UGT1A6: variants seen among roughly 807,000 people sequenced by gnomAD.
The protein encoded by UGT1A6 is UDP glucuronosyltransferase family 1 member A6.
Under a neutral mutation model 44.4 loss-of-function variants are expected in UGT1A6, and 32 were observed. The ratio of observed to expected loss-of-function variants is 0.72; its 90% CI spans 0.54 to 0.97. The LOEUF (loss-of-function observed/expected upper bound fraction) is 0.97, where lower values mean the gene tolerates loss of function less well. Among genes scored for constraint, UGT1A6 ranks in the 50% least tolerant of loss-of-function variants. The pLI, the probability that UGT1A6 is intolerant of heterozygous loss-of-function variation, is 0.00. For missense variants in UGT1A6, 685 were observed against 661.9 expected (o/e 1.03, Z -0.38); for synonymous variants, 238 against 248.5 (o/e 0.96, Z 0.40).
At chr2:233,736,129 C>T (rs1342525858) in intron 1 of UGT1A6, among the ~76,000 whole-genome samples, 3 of 152,224 alleles carry the variant, frequency 2.0e-5, no homozygotes, top group South Asian at 2.1e-4. Flanking sequence ...CCATTCTCCG[C>T]ATCACTTTCA....
chr2:233,748,074 T>C lies in UGT1A6; in HGVS notation c.862-18960T>C, dbSNP rs1392402990. 2.5e-6 allele frequency: 4 copies of C among 1,613,184 alleles called. No individual in the cohort carries two copies. The East Asian group carries it at 8.9e-5, about 36-fold the overall frequency. On this transcript the variant is annotated intron_variant, in intron 1 of 4. Transcript: ENST00000305139. ...CAACTGTGCCAACAGGAAGCCACTA[T>C]CTCAGGTCGGTGTTCGTGCCTTCAT...
At chr2:233,715,989 A>G (rs1242596937) in intron 1 of UGT1A6, among the ~76,000 whole-genome samples, 1 of 152,116 alleles carries the variant, frequency 6.6e-6, no homozygotes, top group East Asian at 1.9e-4. Flanking sequence ...TTAAAACACA[A>G]CAAAACCCAA....
intron 1 of UGT1A6, among the ~76,000 whole-genome samples, chr2:233,724,154 G>A (rs1327662182): frequency 4.4e-3 from 337 of 76,566 alleles, no homozygotes; most frequent in Admixed American, 6.4e-3. Context: ...CTGGCCGGGT[G>A]GGGGGGCTGA....
intron 1 of UGT1A6, among the ~76,000 whole-genome samples, chr2:233,756,714 T>C (rs1696309930): frequency 6.6e-6 from 1 of 152,188 alleles, no homozygotes. Flanking sequence ...GGGACTTTTT[T>C]TGAGATCTGA....
chr2:233,722,992 G>T (rs183532563), intron 1 of UGT1A6, among the ~76,000 whole-genome samples: 4,843 of 146,624 alleles, frequency 0.033, 98 homozygotes, highest in African/African-American at 0.049. Flanking sequence ...GTCTCAGCGT[G>T]GCAGAGGCAG....
In UGT1A6 at chr2:233,749,353, T is replaced by G. The variant is rs1479557854; in HGVS notation, c.862-17681T>G. On this transcript the variant is annotated intron_variant, in intron 1 of 4. Transcript: ENST00000305139. The stretch of plus-strand genomic sequence containing the variant: ...GTTGAAAAGTGGGATGGAATTTAAA[T>G]AGTGACTCTTGCCCTTTTCTTCCAG... 5.9e-5 allele frequency among the ~76,000 whole-genome samples: 9 copies of G among 151,918 alleles called. 1 individual carries two copies. The East Asian group carries it at 1.7e-3, about 29-fold the overall frequency.
chr2:233,694,156 TCAAA>T (rs2075202894), intron 1 of UGT1A6, among the ~76,000 whole-genome samples: 1 of 152,126 alleles, frequency 6.6e-6, no homozygotes, highest in Non-Finnish European at 1.5e-5. Context: ...ATGTCCCAGT[TCAAA>T]CAGAGGTGAA....
Position 233,719,305 on chromosome 2 carries a change from C to T in UGT1A6, c.861+25440C>T, listed in dbSNP as rs149960993. 1.9e-6 allele frequency: 3 copies of T among 1,613,868 alleles called. No individual in the cohort carries two copies. The African/African-American group carries it at 4.0e-5, about 22-fold the overall frequency. ...GTTAACCTCTGTGGGGCGGTGCTGG[C>T]TAAGTACCTGTCGATTCCTGCTGTG... On this transcript the variant is annotated intron_variant, in intron 1 of 4. Coordinates refer to ENST00000305139, the MANE Select transcript of UGT1A6 (RefSeq NM_001072.4).
At chr2:233,764,054 A>G (rs995386532) in intron 1 of UGT1A6, among the ~76,000 whole-genome samples, 2 of 152,188 alleles carry the variant, frequency 1.3e-5, no homozygotes, top group African/African-American at 2.4e-5. Flanking sequence ...GGAAAATGAA[A>G]TGCATTTGGG....
At position 233,693,834 on chromosome 2, in the gene UGT1A6, T is replaced by C. The variant is rs758818897; in HGVS notation, c.830T>C (p.Ile277Thr). 6 of 1,614,210 alleles carry C rather than the reference T, an allele frequency of 3.7e-6. No homozygotes were observed. The South Asian group carries it at 5.5e-5, about 15-fold the overall frequency. ...VMPNMVFIGG[I>T]NCKKRKDLSQ... Reference sequence around the variant, plus strand: ...CCCAACATGGTCTTCATTGGAGGTATCAACTGTAAGAAGAGGAAAGACTTG... The same window carrying C: ...CCCAACATGGTCTTCATTGGAGGTACCAACTGTAAGAAGAGGAAAGACTTG... Residue 277 changes from isoleucine (I) to threonine (T), a missense_variant, in exon 1 of 5, where the codon ATC (isoleucine) becomes ACC (threonine). By Grantham distance (89) the Ile-to-Thr change is moderately conservative. Coordinates refer to ENST00000305139, the MANE Select transcript of UGT1A6 (RefSeq NM_001072.4).
chr2:233,748,518 A>T lies in UGT1A6; in HGVS notation c.862-18516A>T, dbSNP rs151219324. Among the ~76,000 whole-genome samples the T allele has an allele frequency of 4.6e-3, 699 of 151,972 alleles. 22 individuals carry two copies. The highest frequency in any genetic ancestry group is 0.016 in the African/African-American group (660 of 41,240). Reference sequence around the variant, plus strand: ...TAATTTTTAGTGGTCCTGTCTTGCGAATGATAGAGAGGTGACCACAGGAGA... The same window carrying T: ...TAATTTTTAGTGGTCCTGTCTTGCGTATGATAGAGAGGTGACCACAGGAGA... On this transcript the variant is annotated intron_variant, in intron 1 of 4. Coordinates refer to ENST00000305139, the MANE Select transcript of UGT1A6 (RefSeq NM_001072.4).
At position 233,729,298 on chromosome 2, in the gene UGT1A6, G is replaced by A. The variant is rs140541315; in HGVS notation, c.861+35433G>A. On this transcript the variant is annotated intron_variant, in intron 1 of 4. Transcript: ENST00000305139. ...GGAGCTCCATGCCAGAGGCCACCAG[G>A]CAGTGGTCCTCACCCCAGAGGTGAA... 186 of 1,614,254 alleles carry A rather than the reference G, an allele frequency of 1.2e-4. No individual in the cohort carries two copies. In the African/African-American group the frequency reaches 1.9e-3, roughly 17 times the overall value.
intron 1 of UGT1A6, chr2:233,741,470 G>C (rs1212824071): frequency 1.3e-5 from 2 of 150,616 alleles, no homozygotes; most frequent in East Asian, 3.8e-4. Context: ...ACACATGTAA[G>C]TTCCCTCGTC....
intron 1 of UGT1A6, among the ~76,000 whole-genome samples, chr2:233,765,710 AT>A (rs1243221658): frequency 7.2e-6 from 1 of 138,280 alleles, no homozygotes; most frequent in East Asian, 2.2e-4. Context: ...AATAATAATA[AT>A]TAATAATAAT....
intron 1 of UGT1A6, among the ~76,000 whole-genome samples, chr2:233,759,591 C>A (rs984696431): frequency 4.1e-5 from 6 of 147,100 alleles, no homozygotes; most frequent in East Asian, 4.1e-4. Context: ...GCACGCCCCC[C>A]ACCCCCGACC....
At chr2:233,700,856 A>G (rs1024033186) in intron 1 of UGT1A6, among the ~76,000 whole-genome samples, 10 of 151,944 alleles carry the variant, frequency 6.6e-5, no homozygotes, top group African/African-American at 1.9e-4. Context: ...ATATCTCCTA[A>G]TGCTATCCCT....
chr2:233,703,033 C>T (rs2075720547), intron 1 of UGT1A6, among the ~76,000 whole-genome samples: 3 of 152,196 alleles, frequency 2.0e-5, no homozygotes, highest in African/African-American at 7.2e-5. Flanking sequence ...GGTATTCATT[C>T]TTTACATATT....
intron 1 of UGT1A6, among the ~76,000 whole-genome samples, chr2:233,695,692 A>G (rs972852421): frequency 1.3e-5 from 2 of 151,974 alleles, no homozygotes; most frequent in African/African-American, 4.8e-5. Flanking sequence ...CTGTGCCTAG[A>G]TTATTTCACC....
At chr2:233,731,097 C>T (rs1453448635) in intron 1 of UGT1A6, among the ~76,000 whole-genome samples, 1 of 151,946 alleles carries the variant, frequency 6.6e-6, no homozygotes, top group African/African-American at 2.4e-5. Context: ...ATTTCTGTGC[C>T]TTTTTTATAA....
Sources: allele counts gnomAD v4.1 joint callset (sites outside exome capture counted in the v4.1 genomes callset), GRCh38; gene constraint gnomAD v4.1.1; transcripts MANE v1.5; gene names NCBI Gene and HGNC (gene_info 2026-07-23, HGNC 2026-07-21).